NUP210L: variants seen among roughly 807,000 people sequenced by gnomAD.
NUP210L encodes the protein nuclear pore membrane glycoprotein 210-like.
Under a neutral mutation model 208.5 loss-of-function variants are expected in NUP210L, and 74 were observed. That is an observed-to-expected ratio of 0.35 (90% confidence interval 0.29 to 0.43). The LOEUF (loss-of-function observed/expected upper bound fraction) is 0.43, where lower values mean the gene tolerates loss of function less well. Ranked by LOEUF, NUP210L falls within the 20% of genes least tolerant of loss-of-function variation. The pLI is 1.00. For missense variants in NUP210L, 1,843 were observed against 2,289.4 expected, an observed-to-expected ratio of 0.81 and a Z score of 3.98; for synonymous variants, 780 against 816.9, an observed-to-expected ratio of 0.95 and a Z score of 0.77.
At chr1:154,155,114 C>T (rs1314063349) in exon 1 of NUP210L, 16 of 1,135,246 alleles carry the variant, frequency 1.4e-5, no homozygotes, top group Non-Finnish European at 2.1e-5. Context: ...AATCCACAGG[C>T]GTGACGTCAG....
chr1:154,005,085 T>C (rs1650441015), intron 35 of NUP210L, among the ~76,000 whole-genome samples: 1 of 150,452 alleles, frequency 6.6e-6, no homozygotes, highest in Admixed American at 6.6e-5. Context: ...ACTCCTGACC[T>C]TGTGATCCAC....
chr1:154,051,513 C>T (rs549160472), intron 25 of NUP210L, among the ~76,000 whole-genome samples: 11 of 152,172 alleles, frequency 7.2e-5, no homozygotes, highest in East Asian at 1.9e-4. Context: ...TGTGCCTGGC[C>T]GACACTTTCA....
intron 16 of NUP210L, among the ~76,000 whole-genome samples, chr1:154,074,120 T>G (rs974489904): frequency 6.6e-6 from 1 of 152,042 alleles, no homozygotes; most frequent in African/African-American, 2.4e-5. Flanking sequence ...AATTTGATTA[T>G]CTGCTGAAGG....
intron 15 of NUP210L, 70 bp from the exon 16 acceptor site, chr1:154,089,664 G>T: frequency 1.6e-6 from 2 of 1,282,798 alleles, no homozygotes; most frequent in South Asian, 1.2e-5. Context: ...CAATATAAAT[G>T]TGTTAGAATT....
intron 27 of NUP210L, among the ~76,000 whole-genome samples, chr1:154,034,738 G>A (rs1201883847): frequency 6.6e-6 from 1 of 151,964 alleles, no homozygotes; most frequent in Non-Finnish European, 1.5e-5. Context: ...TATGTATCTA[G>A]GAATTTATCT....
At chr1:154,142,558 G>A (rs1029372452) in intron 3 of NUP210L, among the ~76,000 whole-genome samples, 9 of 152,068 alleles carry the variant, frequency 5.9e-5, no homozygotes, top group Non-Finnish European at 1.2e-4. Flanking sequence ...TTGATCTAGG[G>A]CCCATCAACA....
chr1:154,107,483 A>AG (rs1320464646), intron 12 of NUP210L, among the ~76,000 whole-genome samples: 1 of 151,204 alleles, frequency 6.6e-6, no homozygotes, highest in Non-Finnish European at 1.5e-5. Context: ...CAAAAAAAAA[A>AG]AAAAAACTAA....
chr1:154,057,181 G>GT (rs1248149609), intron 22 of NUP210L, among the ~76,000 whole-genome samples: 2 of 152,078 alleles, frequency 1.3e-5, no homozygotes, highest in African/African-American at 4.8e-5. Flanking sequence ...GTCTCACTGT[G>GT]TTGCCCAGGC....
chr1:154,043,872 G>A (rs184895264), intron 27 of NUP210L, among the ~76,000 whole-genome samples: 213 of 151,856 alleles, frequency 1.4e-3, no homozygotes, highest in Non-Finnish European at 2.7e-3. Context: ...AGTCTGCCTC[G>A]GCCTCCCAAA....
chr1:154,037,013 CT>C (rs1195591983), intron 27 of NUP210L, among the ~76,000 whole-genome samples: 1 of 151,580 alleles, frequency 6.6e-6, no homozygotes, highest in Non-Finnish European at 1.5e-5. Flanking sequence ...TCTGCCCACC[CT>C]GGCCTCCCAA....
rs1656105097 is a variant in NUP210L, at chr1:154,094,870, G to A, written c.2187+65C>T. 3.4e-6 allele frequency: 4 copies of A among 1,183,708 alleles called. No individual in the cohort carries two copies. The African/African-American group carries it at 6.0e-5, about 18-fold the overall frequency. The allele number at this position is 1,183,708 out of a possible 1,614,324, so 73.3% of individuals were successfully genotyped here. A position where few individuals can be genotyped will look rare whatever the true frequency, so the allele number is the denominator to read the frequency against. On this transcript the variant is annotated intron_variant, in intron 15 of 39. Coordinates refer to ENST00000368559, the Ensembl canonical transcript of NUP210L. ...ATTCAGCAGAATCTGAAAAGGAATG[G>A]CTGGAAGTACAAAGGATTTGGAGTA...
chr1:154,130,576 ATTTTTTTTTTT>A (rs765115829), intron 7 of NUP210L, among the ~76,000 whole-genome samples: 3 of 98,962 alleles, frequency 3.0e-5, no homozygotes, highest in Admixed American at 2.5e-4. Flanking sequence ...CCTGGCCCCA[ATTTTTTTTTTT>A]TTTTTTTTTT....
intron 30 of NUP210L, among the ~76,000 whole-genome samples, chr1:154,025,111 G>C (rs1391561144): frequency 6.6e-6 from 1 of 151,228 alleles, no homozygotes; most frequent in Non-Finnish European, 1.5e-5. Context: ...TGTATTTTTA[G>C]TAGAGAAGGG....
chr1:154,112,357 G>A (rs1182392090), intron 12 of NUP210L, among the ~76,000 whole-genome samples: 14 of 152,052 alleles, frequency 9.2e-5, no homozygotes, highest in Non-Finnish European at 2.1e-4. Context: ...AGTGAGTCAT[G>A]TTCCTGCCAC....
chr1:154,022,524 A>C (rs1651623315), intron 31 of NUP210L, among the ~76,000 whole-genome samples, 181 bp from the exon 32 acceptor site: 1 of 151,696 alleles, frequency 6.6e-6, no homozygotes, highest in African/African-American at 2.4e-5. Context: ...TATAGTTCCC[A>C]GGAAGGCTTT....
At chr1:154,064,719 A>G (rs529733544) in intron 17 of NUP210L, among the ~76,000 whole-genome samples, 2 of 152,332 alleles carry the variant, frequency 1.3e-5, no homozygotes, top group East Asian at 3.9e-4. Context: ...GTAGCCTTTC[A>G]ATAAATATTT....
At chr1:154,025,219 T>C (rs956805235) in intron 30 of NUP210L, among the ~76,000 whole-genome samples, 9 of 152,100 alleles carry the variant, frequency 5.9e-5, no homozygotes, top group South Asian at 2.1e-4. Flanking sequence ...TGAGCCACCG[T>C]GCCCGGCCAG....
Position 154,110,836 on chromosome 1 carries a change from C to G in NUP210L, c.1621-6626G>C, listed in dbSNP as rs1657001947. On this transcript the variant is annotated intron_variant, in intron 12 of 39. Coordinates refer to ENST00000368559, the Ensembl canonical transcript of NUP210L. The stretch of plus-strand genomic sequence containing the variant: ...GTGGCTGCAGTGAGCTGTGATCTCA[C>G]CACTGTACTCCAGCCTGGGCAACAG... Among the ~76,000 whole-genome samples the G allele has an allele frequency of 1.3e-5, 2 of 151,046 alleles. 1 individual carries two copies. Among genetic ancestry groups the G allele is most frequent in the African/African-American group, 4.9e-5 (2 of 40,554 alleles).
intron 5 of NUP210L, among the ~76,000 whole-genome samples, chr1:154,139,439 C>T (rs1369412764): frequency 6.6e-6 from 1 of 152,078 alleles, no homozygotes; most frequent in Non-Finnish European, 1.5e-5. Flanking sequence ...AATTAAATGA[C>T]CAACTATTGG....
Sources: gnomAD v4.1 joint callset for allele counts (sites outside exome capture counted in the v4.1 genomes callset) on GRCh38, gnomAD v4.1.1 for gene constraint, MANE v1.5 for transcripts, NCBI Gene and HGNC (gene_info 2026-07-23, HGNC 2026-07-21) for gene names.